Variants in TRAPPC9 observed in about 807,000 individuals in gnomAD.
TRAPPC9 encodes trafficking protein particle complex subunit 9, also known as IKK2 binding protein.
TRAPPC9 carries 83 observed loss-of-function variants against 124.0 expected under a neutral mutation model. The ratio of observed to expected loss-of-function variants is 0.67; its 90% CI spans 0.56 to 0.80. The LOEUF is 0.80. TRAPPC9 is among the 30% of genes least tolerant of loss of function. The pLI is 0.00. For missense variants in TRAPPC9, 1,302 were observed against 1,508.3 expected, an observed-to-expected ratio of 0.86 and a Z score of 2.27; for synonymous variants, 638 against 617.5, an observed-to-expected ratio of 1.03 and a Z score of -0.49.
At chr8:140,262,912 G>A (rs900936160) in intron 15 of TRAPPC9, among the ~76,000 whole-genome samples, 2 of 152,198 alleles carry the variant, frequency 1.3e-5, no homozygotes, top group Admixed American at 6.5e-5. Flanking sequence ...GGCAGTGGAC[G>A]GAACTGCAAA....
At chr8:140,451,582 C>A (rs1304264681) in intron 1 of TRAPPC9, among the ~76,000 whole-genome samples, 199 bp from the exon 2 acceptor site, 1 of 152,180 alleles carries the variant, frequency 6.6e-6, no homozygotes. Flanking sequence ...GACCTTCAGT[C>A]CCTTGGCCTC....
chr8:140,149,775 A>C (rs2061516147), intron 17 of TRAPPC9, among the ~76,000 whole-genome samples: 1 of 152,112 alleles, frequency 6.6e-6, no homozygotes, highest in Non-Finnish European at 1.5e-5. Context: ...ATATTTACTA[A>C]TCCCCTTCTC....
intron 21 of TRAPPC9, among the ~76,000 whole-genome samples, chr8:139,768,807 A>T (rs1410982297): frequency 3.3e-5 from 5 of 152,224 alleles, no homozygotes; most frequent in Non-Finnish European, 7.3e-5. Context: ...TTGAAGCCCT[A>T]AAGCCCAGTA....
chr8:140,344,611 C>G (rs1458697362), intron 9 of TRAPPC9, among the ~76,000 whole-genome samples: 2 of 152,206 alleles, frequency 1.3e-5, no homozygotes, highest in Non-Finnish European at 2.9e-5. Context: ...GCAGCCATGC[C>G]AAGACCCAGG....
intron 5 of TRAPPC9, among the ~76,000 whole-genome samples, chr8:140,410,977 T>A (rs2069688380): frequency 6.6e-6 from 1 of 152,062 alleles, no homozygotes; most frequent in Non-Finnish European, 1.5e-5. Context: ...CAGCAATAAT[T>A]ACATTTCAAA....
intron 17 of TRAPPC9, among the ~76,000 whole-genome samples, chr8:140,175,665 G>A (rs868046062): frequency 1.8e-4 from 27 of 152,264 alleles, no homozygotes; most frequent in Middle Eastern, 3.4e-3. Flanking sequence ...CGACATCCAC[G>A]GGTTTAATCC....
At chr8:140,024,325 G>A (rs1443576423) in intron 17 of TRAPPC9, among the ~76,000 whole-genome samples, 1 of 151,514 alleles carries the variant, frequency 6.6e-6, no homozygotes, top group Non-Finnish European at 1.5e-5. Context: ...TGATGTCCCA[G>A]AGTCTACACA....
At chr8:140,410,087 G>A (rs1048125367) in intron 5 of TRAPPC9, among the ~76,000 whole-genome samples, 2 of 142,942 alleles carry the variant, frequency 1.4e-5, no homozygotes, top group Admixed American at 7.5e-5. Context: ...GCTGCAGTGA[G>A]CTGTGATCAT....
At chr8:140,337,628 C>T (rs2067078145) in intron 9 of TRAPPC9, among the ~76,000 whole-genome samples, 1 of 152,160 alleles carries the variant, frequency 6.6e-6, no homozygotes, top group Admixed American at 6.5e-5. Flanking sequence ...CCATGCAGCA[C>T]GTGGGTGCGG....
intron 21 of TRAPPC9, among the ~76,000 whole-genome samples, chr8:139,792,702 G>A (rs929215718): frequency 1.4e-4 from 22 of 152,188 alleles, no homozygotes; most frequent in East Asian, 3.9e-4. Flanking sequence ...CAGGAGCTCC[G>A]GGGCTGCAGG....
intron 17 of TRAPPC9, among the ~76,000 whole-genome samples, chr8:140,168,550 T>C (rs570081958): frequency 3.3e-4 from 50 of 152,370 alleles, no homozygotes; most frequent in Non-Finnish European, 5.1e-4. Context: ...TCAAGGCTCA[T>C]GGATGCTGAG....
At chr8:140,331,617 A>AATCATCATCATCATCATCATC (rs57241018) in intron 9 of TRAPPC9, among the ~76,000 whole-genome samples, 4 of 150,718 alleles carry the variant, frequency 2.7e-5, no homozygotes, top group South Asian at 2.1e-4. Flanking sequence ...AACAGCAAAA[A>AATCATCATCATCATCATCATC]ATCATCATCA....
intron 6 of TRAPPC9, among the ~76,000 whole-genome samples, chr8:140,404,967 T>C (rs892422736): frequency 6.8e-6 from 1 of 146,652 alleles, no homozygotes; most frequent in Non-Finnish European, 1.5e-5. Flanking sequence ...ATAAAGGTCA[T>C]GGAGGCTATG....
intron 15 of TRAPPC9, among the ~76,000 whole-genome samples, chr8:140,264,623 A>AGAGC (rs1230247580): frequency 2.3e-5 from 3 of 127,798 alleles, no homozygotes; most frequent in Admixed American, 8.4e-5. Flanking sequence ...AGAGAGAGAG[A>AGAGC]GAGCGGAGGG....
chr8:140,439,168 ATGCGGCCTT>A lies in TRAPPC9; in HGVS notation c.605_613del (p.Gln202_Met205delinsLeu). 6.2e-7 allele frequency: 1 copy of A among 1,614,252 alleles called. No individual in the cohort carries two copies. Among genetic ancestry groups the A allele is most frequent in the Non-Finnish European group, 8.5e-7 (1 of 1,180,046 alleles). ...GCACAGGTCCCCCACGTGCTTCCGC[ATGCGGCCTT>A]GGCACCGCTTCTTGTAATGTCTAGA... On this transcript the variant is annotated inframe_deletion, in exon 3 of 23. Coordinates refer to ENST00000438773, the MANE Select transcript of TRAPPC9 (RefSeq NM_001160372.4).
At chr8:139,867,935 C>T (rs1046475437) in intron 21 of TRAPPC9, among the ~76,000 whole-genome samples, 4 of 152,196 alleles carry the variant, frequency 2.6e-5, no homozygotes, top group Non-Finnish European at 5.9e-5. Context: ...GGCATGAGAT[C>T]ATCATATATC....
At chr8:140,125,197 C>T (rs1201008358) in intron 17 of TRAPPC9, among the ~76,000 whole-genome samples, 8 of 152,144 alleles carry the variant, frequency 5.3e-5, no homozygotes, top group South Asian at 2.1e-4. Flanking sequence ...AGCTCGGGGG[C>T]GGGACACGGC....
rs189767321 is a variant in TRAPPC9, at chr8:140,343,008, G to T, written c.1495+17042C>A. The stretch of plus-strand genomic sequence containing the variant: ...TTAATCTATACAATGGGAAGCTTGC[G>T]ATCACTATGGCCAAATTCTAGCAAA... On this transcript the variant is annotated intron_variant, in intron 9 of 22. Transcript: ENST00000438773. Among the ~76,000 whole-genome samples the T allele has an allele frequency of 4.0e-4, 61 of 152,252 alleles. No homozygotes were observed. The East Asian group carries it at 0.01, about 26-fold the overall frequency.
chr8:139,971,665 T>C (rs1836073664), intron 19 of TRAPPC9, among the ~76,000 whole-genome samples: 1 of 151,924 alleles, frequency 6.6e-6, no homozygotes, highest in African/African-American at 2.4e-5. Flanking sequence ...CAAGATGACA[T>C]GCACTTAACA....
Sources: allele counts gnomAD v4.1 joint callset (sites outside exome capture counted in the v4.1 genomes callset), GRCh38; gene constraint gnomAD v4.1.1; transcripts MANE v1.5; gene names NCBI Gene and HGNC (gene_info 2026-07-23, HGNC 2026-07-21).